Variants in TSHZ2 observed in about 807,000 individuals in gnomAD.
TSHZ2 encodes teashirt homolog 2.
TSHZ2 carries 21 observed loss-of-function variants against 74.4 expected under a neutral mutation model. The ratio of observed to expected loss-of-function variants is 0.28; its 90% CI spans 0.20 to 0.41. The LOEUF (loss-of-function observed/expected upper bound fraction) is 0.41, where lower values mean the gene tolerates loss of function less well. TSHZ2 is among the 10% of genes least tolerant of loss of function. The probability of loss-of-function intolerance (pLI) is 1.00; values close to 1 mark genes in which losing one functional copy is unlikely to be tolerated. For synonymous variants in TSHZ2, 540 were observed against 515.3 expected, an observed-to-expected ratio of 1.05 and a Z score of -0.65; for missense variants, 1,244 against 1,293.5, an observed-to-expected ratio of 0.96 and a Z score of 0.59.
intron 2 of TSHZ2, among the ~76,000 whole-genome samples, chr20:53,440,599 C>T (rs543911112): frequency 3.6e-4 from 55 of 152,238 alleles, no homozygotes; most frequent in African/African-American, 1.3e-3. Context: ...TTCCTGATCT[C>T]GTGGAGCCAA....
chr20:53,075,737 T>TG (rs1165629896), intron 1 of TSHZ2, among the ~76,000 whole-genome samples: 1 of 152,050 alleles, frequency 6.6e-6, no homozygotes, highest in African/African-American at 2.4e-5. Flanking sequence ...AGGGAGTTCT[T>TG]GGGGTGATGG....
chr20:53,163,333 T>A (rs1194330349), intron 1 of TSHZ2, among the ~76,000 whole-genome samples: 1 of 142,668 alleles, frequency 7.0e-6, no homozygotes, highest in African/African-American at 2.5e-5. Flanking sequence ...GTGGCTTCCA[T>A]CTTAAGTGCA....
In TSHZ2 at chr20:53,232,740, G is replaced by A. The variant is rs542173025; in HGVS notation, c.41-20759G>A. Among the ~76,000 whole-genome samples the A allele has an allele frequency of 2.6e-5, 4 of 152,202 alleles. No individual in the cohort carries two copies. In the East Asian group the frequency reaches 7.7e-4, roughly 29 times the overall value. On this transcript the variant is annotated intron_variant, in intron 1 of 2. Transcript: ENST00000371497. ...GCGAGACCCCCCCTCTAGAAAAAAA[G>A]AAAATTATTATTGTTCTGTATGGTC...
chr20:53,445,777 T>G (rs1478279091), intron 2 of TSHZ2, among the ~76,000 whole-genome samples: 1 of 152,172 alleles, frequency 6.6e-6, no homozygotes, highest in East Asian at 1.9e-4. Flanking sequence ...ACTAATGCAC[T>G]CAGGAAATGA....
In TSHZ2 at chr20:53,457,177, T is replaced by G. The variant is rs1430493057; in HGVS notation, c.*9-29967T>G. 8.4e-5 allele frequency among the ~76,000 whole-genome samples: 12 copies of G among 142,696 alleles called. No individual in the cohort carries two copies. The East Asian group carries it at 2.6e-3, about 31-fold the overall frequency. 93.6% of individuals were successfully genotyped at this position (142,696 alleles called of 152,430 possible). ...ATGGCCATTTTCACGATATTGATTC[T>G]TCCTACCCATGAGCATGGAATGTTC... is the stretch of plus-strand genomic sequence containing the variant. On this transcript the variant is annotated intron_variant, in intron 2 of 2. Coordinates refer to ENST00000371497, the MANE Select transcript of TSHZ2 (RefSeq NM_173485.6).
intron 1 of TSHZ2, among the ~76,000 whole-genome samples, chr20:53,017,321 T>C (rs1352299032): frequency 6.6e-6 from 1 of 152,192 alleles, no homozygotes; most frequent in Non-Finnish European, 1.5e-5. Context: ...GCCCATGACA[T>C]GCTACAAGTC....
intron 1 of TSHZ2, among the ~76,000 whole-genome samples, chr20:53,170,676 G>C (rs1311650415): frequency 6.6e-6 from 1 of 152,188 alleles, no homozygotes; most frequent in East Asian, 1.9e-4. Flanking sequence ...AGTTGTGAAC[G>C]CTGAAATGTG....
At chr20:53,059,456 C>A (rs1424306690) in intron 1 of TSHZ2, among the ~76,000 whole-genome samples, 1 of 151,838 alleles carries the variant, frequency 6.6e-6, no homozygotes, top group Non-Finnish European at 1.5e-5. Flanking sequence ...AAATAAATAC[C>A]CCCGTCCCTC....
chr20:53,436,111 C>CA (rs1293524166), intron 2 of TSHZ2, among the ~76,000 whole-genome samples: 3 of 149,636 alleles, frequency 2.0e-5, no homozygotes, highest in African/African-American at 7.3e-5. Flanking sequence ...AGTGAGCACT[C>CA]AGTGATGGTT....
chr20:53,007,576 G>C (rs569081340), intron 1 of TSHZ2, among the ~76,000 whole-genome samples: 1 of 152,106 alleles, frequency 6.6e-6, no homozygotes, highest in East Asian at 1.9e-4. Flanking sequence ...ACAGGGGAAT[G>C]ATAAGAGTCA....
chr20:53,025,916 T>C (rs537587528), intron 1 of TSHZ2, among the ~76,000 whole-genome samples: 5 of 152,248 alleles, frequency 3.3e-5, no homozygotes, highest in Admixed American at 3.3e-4. Context: ...AAACATGTAG[T>C]TCTCTTTCAC....
intron 2 of TSHZ2, among the ~76,000 whole-genome samples, chr20:53,469,634 G>GAGGGAGGGAGGA (rs1306380564): frequency 8.5e-5 from 3 of 35,480 alleles, no homozygotes; most frequent in African/African-American, 1.5e-4. Context: ...GGAAGGGAGG[G>GAGGGAGGGAGGA]AGGAAGGAAG....
At chr20:53,011,241 G>A (rs1600644339) in intron 1 of TSHZ2, among the ~76,000 whole-genome samples, 2 of 152,172 alleles carry the variant, frequency 1.3e-5, no homozygotes, top group East Asian at 3.9e-4. Context: ...TTCAGGTTGT[G>A]CACTGTGCAA....
At chr20:53,275,693 C>T (rs1411160684) in intron 2 of TSHZ2, among the ~76,000 whole-genome samples, 1 of 152,142 alleles carries the variant, frequency 6.6e-6, no homozygotes, top group African/African-American at 2.4e-5. Flanking sequence ...TTTGGGAGGC[C>T]AAGGTGGATG....
intron 1 of TSHZ2, among the ~76,000 whole-genome samples, chr20:53,205,280 C>A (rs1436718442): frequency 6.6e-6 from 1 of 152,134 alleles, no homozygotes; most frequent in Non-Finnish European, 1.5e-5. Context: ...CAACATGCGC[C>A]TAAGCTTAAA....
intron 1 of TSHZ2, among the ~76,000 whole-genome samples, chr20:53,164,453 G>T (rs1988019826): frequency 6.6e-6 from 1 of 151,834 alleles, no homozygotes; most frequent in African/African-American, 2.4e-5. Flanking sequence ...ATACATAGGG[G>T]TTGAAATACT....
intron 1 of TSHZ2, among the ~76,000 whole-genome samples, chr20:53,024,536 A>G (rs879861781): frequency 6.6e-6 from 1 of 151,948 alleles, no homozygotes; most frequent in Non-Finnish European, 1.5e-5. Flanking sequence ...GCAGTACATG[A>G]GCAGAATGTG....
chr20:53,486,141 C>G (rs1178366187), intron 2 of TSHZ2, among the ~76,000 whole-genome samples: 3 of 152,164 alleles, frequency 2.0e-5, no homozygotes, highest in Non-Finnish European at 4.4e-5. Context: ...ATAGGTATAA[C>G]CATATAATAT....
intron 1 of TSHZ2, among the ~76,000 whole-genome samples, chr20:53,026,366 T>TC (rs56655096): frequency 1.3e-5 from 2 of 151,600 alleles, no homozygotes; most frequent in Non-Finnish European, 2.9e-5. Flanking sequence ...TTTTTTTTTT[T>TC]CTCTGAGACA....
Sources: gnomAD v4.1 joint callset for allele counts (sites outside exome capture counted in the v4.1 genomes callset) on GRCh38, gnomAD v4.1.1 for gene constraint, MANE v1.5 for transcripts, NCBI Gene and HGNC (gene_info 2026-07-23, HGNC 2026-07-21) for gene names.